MARCHF1: variants seen among roughly 807,000 people sequenced by gnomAD.
MARCHF1 encodes the protein membrane associated ring-CH-type finger 1.
A neutral mutation model predicts 54.2 loss-of-function variants in MARCHF1; 40 were observed. The observed-to-expected ratio is 0.74, with a 90% CI of 0.57 to 0.96. The LOEUF is 0.96. MARCHF1 is among the 40% of genes least tolerant of loss of function. MARCHF1 has a pLI of 0.00. For missense variants in MARCHF1, 586 were observed against 656.5 expected, an observed-to-expected ratio of 0.89 and a Z score of 1.17; for synonymous variants, 236 against 236.3, an observed-to-expected ratio of 1.00 and a Z score of 0.01.
In MARCHF1 at chr4:163,921,459, C is replaced by CT. The variant is rs1326668538; in HGVS notation, c.-39+67041dup. ...ATCCAATGGTAATGTGTCATAGACT[C>CT]TAAGAAATTAAAAAATTATTGTGGA... On this transcript the variant is annotated intron_variant, in intron 3 of 9. Coordinates refer to ENST00000514618, the MANE Select transcript of MARCHF1 (RefSeq NM_001394959.1). Among the ~76,000 whole-genome samples the CT allele has an allele frequency of 2.6e-5, 4 of 152,132 alleles. No individual in the cohort carries two copies. The East Asian group carries it at 5.8e-4, about 22-fold the overall frequency.
At chr4:163,691,079 A>C (rs1206538816) in intron 5 of MARCHF1, among the ~76,000 whole-genome samples, 2 of 152,118 alleles carry the variant, frequency 1.3e-5, no homozygotes, top group Non-Finnish European at 2.9e-5. Flanking sequence ...GGATTCAAAA[A>C]ATATGCTGCA....
chr4:163,638,365 T>A (rs1037183867), intron 5 of MARCHF1, among the ~76,000 whole-genome samples: 1 of 152,060 alleles, frequency 6.6e-6, no homozygotes, highest in African/African-American at 2.4e-5. Context: ...GTCTTGGTGA[T>A]GAGTGAGTTC....
rs1738176800 is a variant in MARCHF1 at position 163,527,759 on chromosome 4, G to GTACTT, written c.*984_*988dup. ...CAATATAGTTAATTCAAGTTGAAGT[G>GTACTT]TACTTTTAAATTACCAACTGGATTT... On this transcript the variant is annotated 3_prime_UTR_variant, in exon 10 of 10. Transcript: ENST00000514618. 1 of 152,022 alleles carries GTACTT rather than the reference G, an allele frequency of 6.6e-6. No homozygotes were observed. Among genetic ancestry groups the GTACTT allele is most frequent in the Non-Finnish European group, 1.5e-5 (1 of 67,938 alleles). 9.4% of individuals were successfully genotyped at this position (152,022 alleles called of 1,614,324 possible). A position where few individuals can be genotyped will look rare whatever the true frequency, so the allele number is the denominator to read the frequency against.
intron 4 of MARCHF1, among the ~76,000 whole-genome samples, chr4:163,827,135 A>AAAAG (rs376157489): frequency 8.6e-5 from 13 of 151,968 alleles, no homozygotes; most frequent in African/African-American, 2.7e-4. Context: ...TGTGACAGGT[A>AAAAG]GCAATGTCTC....
At chr4:163,560,635 T>C (rs1739438583) in intron 8 of MARCHF1, among the ~76,000 whole-genome samples, 1 of 152,184 alleles carries the variant, frequency 6.6e-6, no homozygotes, top group African/African-American at 2.4e-5. Context: ...CTTCACAATA[T>C]TGAGTCTTCC....
At chr4:164,141,300 C>G (rs10028693) in intron 1 of MARCHF1, among the ~76,000 whole-genome samples, 127,547 of 152,178 alleles carry the variant, frequency 0.84, 53,973 homozygotes, top group Non-Finnish European at 0.89. Context: ...ATAGATGTTG[C>G]TTTCTTTTTA....
chr4:163,991,457 G>A (rs6536770), intron 2 of MARCHF1, among the ~76,000 whole-genome samples: 145,496 of 152,226 alleles, frequency 0.96, 69,873 homozygotes, highest in East Asian at 1. Context: ...CTGCCAACTA[G>A]AAACAATCAG....
At chr4:163,663,033 C>A (rs1246057483) in intron 5 of MARCHF1, among the ~76,000 whole-genome samples, 1 of 151,824 alleles carries the variant, frequency 6.6e-6, no homozygotes, top group Non-Finnish European at 1.5e-5. Flanking sequence ...GCAAACAATA[C>A]AAATTTAACC....
intron 1 of MARCHF1, among the ~76,000 whole-genome samples, chr4:164,322,740 C>G (rs1735174970): frequency 6.6e-6 from 1 of 151,702 alleles, no homozygotes; most frequent in Non-Finnish European, 1.5e-5. Flanking sequence ...AAAGACAACA[C>G]AAAAGGATTA....
intron 3 of MARCHF1, among the ~76,000 whole-genome samples, chr4:163,947,231 T>C (rs577562735): frequency 1.3e-5 from 2 of 152,332 alleles, no homozygotes; most frequent in South Asian, 4.1e-4. Flanking sequence ...CTAAAAATAC[T>C]AGATTTTTAA....
At chr4:164,239,199 T>A (rs1732655247) in intron 1 of MARCHF1, among the ~76,000 whole-genome samples, 1 of 152,078 alleles carries the variant, frequency 6.6e-6, no homozygotes, top group Non-Finnish European at 1.5e-5. Context: ...TTTGGTCCCA[T>A]TTAAATTGTG....
intron 7 of MARCHF1, among the ~76,000 whole-genome samples, chr4:163,592,780 A>G (rs1740634123): frequency 6.6e-6 from 1 of 152,020 alleles, no homozygotes; most frequent in African/African-American, 2.4e-5. Context: ...AGATTCTATT[A>G]TCATCTAGCC....
chr4:163,955,501 C>T (rs190691117), intron 3 of MARCHF1, among the ~76,000 whole-genome samples: 1 of 152,192 alleles, frequency 6.6e-6, no homozygotes, highest in East Asian at 1.9e-4. Context: ...AACTCATACA[C>T]TCACTCCACA....
At chr4:164,218,865 A>G (rs555399965) in intron 1 of MARCHF1, among the ~76,000 whole-genome samples, 72 of 151,856 alleles carry the variant, frequency 4.7e-4, no homozygotes, top group African/African-American at 1.6e-3. Flanking sequence ...AAAAAAAAAA[A>G]GAAGTAACAG....
At chr4:164,062,180 C>T (rs1253760937) in intron 2 of MARCHF1, among the ~76,000 whole-genome samples, 2 of 152,208 alleles carry the variant, frequency 1.3e-5, no homozygotes, top group Non-Finnish European at 2.9e-5. Flanking sequence ...TAAGAAACAA[C>T]TTCTCATTCA....
intron 2 of MARCHF1, among the ~76,000 whole-genome samples, chr4:164,095,415 AACACACACAC>A (rs60204920): frequency 4.0e-5 from 6 of 148,852 alleles, no homozygotes. Flanking sequence ...CACACACACA[AACACACACAC>A]ACACACACAC....
chr4:164,343,795 A>G (rs1480213433), intron 1 of MARCHF1, among the ~76,000 whole-genome samples: 1 of 152,220 alleles, frequency 6.6e-6, no homozygotes. Flanking sequence ...AAATTAGTTC[A>G]GTGATTGTGG....
At chr4:163,540,784 G>A (rs1738696584) in intron 9 of MARCHF1, among the ~76,000 whole-genome samples, 1 of 152,210 alleles carries the variant, frequency 6.6e-6, no homozygotes, top group South Asian at 2.1e-4. Context: ...CGCTTTGGGA[G>A]GCTGAGGCGA....
chr4:163,657,452 A>G (rs2111089297), intron 5 of MARCHF1, among the ~76,000 whole-genome samples: 1 of 152,278 alleles, frequency 6.6e-6, no homozygotes, highest in East Asian at 1.9e-4. Context: ...CATGGATAGG[A>G]AGAATCAATA....
Sources: gnomAD v4.1 joint callset for allele counts (sites outside exome capture counted in the v4.1 genomes callset) on GRCh38, gnomAD v4.1.1 for gene constraint, MANE v1.5 for transcripts, NCBI Gene and HGNC (gene_info 2026-07-23, HGNC 2026-07-21) for gene names.